The following CTNND2 variants were observed in gnomAD, a reference collection of about 807,000 sequenced individuals.
CTNND2 encodes the protein catenin delta-2.
CTNND2 carries 22 observed loss-of-function variants against 144.4 expected under a neutral mutation model. That is an observed-to-expected ratio of 0.15 (90% confidence interval 0.11 to 0.22). The LOEUF is 0.22. CTNND2 is among the 10% of genes least tolerant of loss of function. The pLI, the probability that CTNND2 is intolerant of heterozygous loss-of-function variation, is 1.00. For synonymous variants in CTNND2, 751 were observed against 695.6 expected (o/e 1.08, Z -1.25); for missense variants, 1,353 against 1,618.8 (o/e 0.84, Z 2.82).
At chr5:11,282,709 T>A (rs1003128071) in intron 9 of CTNND2, among the ~76,000 whole-genome samples, 1 of 152,250 alleles carries the variant, frequency 6.6e-6, no homozygotes, top group Non-Finnish European at 1.5e-5. Flanking sequence ...TGGGCTTTCA[T>A]ATGTAAACTT....
At chr5:11,277,633 G>A (rs997982496) in intron 9 of CTNND2, among the ~76,000 whole-genome samples, 1 of 151,834 alleles carries the variant, frequency 6.6e-6, no homozygotes, top group Non-Finnish European at 1.5e-5. Context: ...CGAGGTTCAA[G>A]AGATCCTCCC....
At chr5:11,495,197 G>A (rs1005168797) in intron 3 of CTNND2, among the ~76,000 whole-genome samples, 1 of 152,106 alleles carries the variant, frequency 6.6e-6, no homozygotes. Flanking sequence ...AACTGACTCT[G>A]ACTTGAAATT....
At chr5:11,486,917 C>T (rs1019036422) in intron 3 of CTNND2, among the ~76,000 whole-genome samples, 2 of 152,148 alleles carry the variant, frequency 1.3e-5, no homozygotes, top group Non-Finnish European at 2.9e-5. Context: ...TTATATCACA[C>T]ATAGTTTATT....
chr5:11,787,239 C>T (rs186448095), intron 1 of CTNND2, among the ~76,000 whole-genome samples: 2 of 152,306 alleles, frequency 1.3e-5, no homozygotes, highest in South Asian at 2.1e-4. Flanking sequence ...CTAAGCAAAA[C>T]TGTTACGCAT....
intron 12 of CTNND2, among the ~76,000 whole-genome samples, chr5:11,121,484 T>C (rs1754133310): frequency 6.6e-6 from 1 of 152,230 alleles, no homozygotes; most frequent in African/African-American, 2.4e-5. Context: ...TAGTAACCTT[T>C]ACAATCGTGA....
chr5:11,422,087 C>T (rs1251640092), intron 3 of CTNND2, among the ~76,000 whole-genome samples: 1 of 152,144 alleles, frequency 6.6e-6, no homozygotes, highest in Non-Finnish European at 1.5e-5. Flanking sequence ...TGAGAGAGTG[C>T]AGCTAATTCA....
At chr5:11,086,849 T>C (rs533064873) in intron 15 of CTNND2, among the ~76,000 whole-genome samples, 3 of 152,344 alleles carry the variant, frequency 2.0e-5, no homozygotes, top group African/African-American at 7.2e-5. Flanking sequence ...GGCCTATTTG[T>C]TCCTGAAAGG....
At chr5:11,252,391 A>C (rs150340190) in intron 9 of CTNND2, among the ~76,000 whole-genome samples, 44 of 152,322 alleles carry the variant, frequency 2.9e-4, no homozygotes, top group African/African-American at 9.9e-4. Flanking sequence ...ATTATACCTT[A>C]GTTCTATGTC....
intron 2 of CTNND2, among the ~76,000 whole-genome samples, chr5:11,689,101 G>A (rs1479832412): frequency 6.6e-6 from 1 of 152,182 alleles, no homozygotes. Context: ...TTCCACAGTA[G>A]CTGTAGTATC....
intron 3 of CTNND2, among the ~76,000 whole-genome samples, chr5:11,515,587 C>A (rs1173373118): frequency 1.3e-5 from 2 of 152,142 alleles, no homozygotes; most frequent in African/African-American, 4.8e-5. Context: ...ATTTAGTAAT[C>A]TTTGAAATGG....
chr5:11,212,924 CA>C (rs1738789103), intron 10 of CTNND2, among the ~76,000 whole-genome samples: 1 of 152,166 alleles, frequency 6.6e-6, no homozygotes, highest in Admixed American at 6.5e-5. Context: ...ATAGGACCCA[CA>C]CATGGTTTCT....
chr5:11,006,015 T>C (rs1034222324), intron 18 of CTNND2, among the ~76,000 whole-genome samples: 1 of 152,032 alleles, frequency 6.6e-6, no homozygotes, highest in African/African-American at 2.4e-5. Flanking sequence ...ATCTTGCCTA[T>C]ATGCTGTGAA....
chr5:11,330,440 C>T (rs1395789629), intron 9 of CTNND2, among the ~76,000 whole-genome samples: 2 of 141,452 alleles, frequency 1.4e-5, no homozygotes, highest in African/African-American at 2.7e-5. Flanking sequence ...GCCGAGATCA[C>T]GCCACTGCAC....
At chr5:11,012,171 T>A (rs1157842999) in intron 18 of CTNND2, among the ~76,000 whole-genome samples, 3 of 152,070 alleles carry the variant, frequency 2.0e-5, no homozygotes, top group African/African-American at 7.2e-5. Flanking sequence ...CTGTTCCATT[T>A]GAGACATCAG....
intron 3 of CTNND2, among the ~76,000 whole-genome samples, chr5:11,501,819 T>C (rs1168616259): frequency 6.8e-6 from 1 of 146,928 alleles, no homozygotes; most frequent in East Asian, 1.9e-4. Flanking sequence ...CCATCCTGGC[T>C]AACATGGTGA....
chr5:11,042,136 C>T (rs1359965568), intron 16 of CTNND2, among the ~76,000 whole-genome samples: 2 of 152,116 alleles, frequency 1.3e-5, no homozygotes, highest in Non-Finnish European at 2.9e-5. Context: ...AGTCTGGGGC[C>T]CTGCTGCTAC....
intron 1 of CTNND2, among the ~76,000 whole-genome samples, chr5:11,828,643 GC>G (rs1793728073): frequency 6.6e-6 from 1 of 152,174 alleles, no homozygotes; most frequent in Non-Finnish European, 1.5e-5. Flanking sequence ...TGATTGTGAG[GC>G]CTCCCCAGCC....
chr5:11,501,127 A>G (rs1561482455), intron 3 of CTNND2, among the ~76,000 whole-genome samples: 1 of 152,214 alleles, frequency 6.6e-6, no homozygotes. Flanking sequence ...CTAATTGTTC[A>G]TTCTCTTATT....
At chr5:11,054,704 C>T (rs1746178545) in intron 16 of CTNND2, among the ~76,000 whole-genome samples, 1 of 152,100 alleles carries the variant, frequency 6.6e-6, no homozygotes, top group African/African-American at 2.4e-5. Context: ...TGAAGGCTTG[C>T]TATAGAGTCA....
Sources: gnomAD v4.1 joint callset for allele counts (sites outside exome capture counted in the v4.1 genomes callset) on GRCh38, gnomAD v4.1.1 for gene constraint, MANE v1.5 for transcripts, NCBI Gene and HGNC (gene_info 2026-07-23, HGNC 2026-07-21) for gene names.